The following ADAMTS20 variants were observed in gnomAD, a reference collection of about 807,000 sequenced individuals.
ADAMTS20 encodes the protein A disintegrin and metalloproteinase with thrombospondin motifs 20.
ADAMTS20 carries 225 observed loss-of-function variants against 260.1 expected under a neutral mutation model. That is an observed-to-expected ratio of 0.87 (90% CI 0.78 to 0.97). ADAMTS20 has a LOEUF of 0.97. Ranked by LOEUF, ADAMTS20 falls within the 50% of genes least tolerant of loss-of-function variation. The pLI is 0.00. For synonymous variants in ADAMTS20, 802 were observed against 769.5 expected (o/e 1.04, Z -0.70); for missense variants, 2,400 against 2,337.7 (o/e 1.03, Z -0.55).
chr12:43,411,327 A>G (rs1276898095), intron 28 of ADAMTS20, among the ~76,000 whole-genome samples: 1 of 151,952 alleles, frequency 6.6e-6, no homozygotes, highest in Non-Finnish European at 1.5e-5. Flanking sequence ...ACCTTTTGAT[A>G]AAATTGGTTT....
At position 43,429,616 on chromosome 12, in the gene ADAMTS20, C is replaced by A. The variant is rs761490871; in HGVS notation, c.3489+1G>T. On this transcript the variant is annotated splice_donor_variant, in intron 24 of 38. Transcript: ENST00000389420. LOFTEE classifies it high-confidence loss of function. The stretch of plus-strand genomic sequence containing the variant: ...TGTATCTATTAAAGAAATTCACTTA[C>A]TGGGGTCCAAGAACCATGTCGCCAT... 8 of 1,582,730 alleles carry A rather than the reference C, an allele frequency of 5.1e-6. No homozygotes were observed. The East Asian group carries it at 1.6e-4, about 31-fold the overall frequency.
intron 7 of ADAMTS20, among the ~76,000 whole-genome samples, chr12:43,481,725 T>C (rs2137413766): frequency 6.6e-6 from 1 of 152,302 alleles, no homozygotes; most frequent in African/African-American, 2.4e-5. Context: ...AGTCATTTTT[T>C]TGTTTTATTT....
chr12:43,495,823 A>G (rs541277017), intron 4 of ADAMTS20, among the ~76,000 whole-genome samples: 10 of 152,202 alleles, frequency 6.6e-5, no homozygotes, highest in Non-Finnish European at 1.2e-4. Flanking sequence ...AAAATAGTAT[A>G]TTTCATTAAA....
intron 7 of ADAMTS20, among the ~76,000 whole-genome samples, chr12:43,477,298 T>C (rs1565565592): frequency 1.3e-5 from 2 of 152,068 alleles, no homozygotes; most frequent in Non-Finnish European, 2.9e-5. Flanking sequence ...AGATACTCAG[T>C]AAAAGTTCAT....
At chr12:43,498,921 T>C (rs922218549) in intron 4 of ADAMTS20, among the ~76,000 whole-genome samples, 3 of 152,146 alleles carry the variant, frequency 2.0e-5, no homozygotes, top group Non-Finnish European at 4.4e-5. Flanking sequence ...ATAAATATAG[T>C]TGTGATCACT....
intron 16 of ADAMTS20, among the ~76,000 whole-genome samples, chr12:43,442,900 G>T (rs1003499398): frequency 6.6e-6 from 1 of 152,262 alleles, no homozygotes; most frequent in Admixed American, 6.5e-5. Flanking sequence ...CCTCTATCTA[G>T]TTCCAAAACC....
At chr12:43,487,949 T>G (rs375646007) in intron 7 of ADAMTS20, among the ~76,000 whole-genome samples, 4 of 152,172 alleles carry the variant, frequency 2.6e-5, no homozygotes, top group African/African-American at 7.2e-5. Flanking sequence ...ACATTTCAGA[T>G]TCTAAGAAAA....
chr12:43,461,691 T>C (rs1942068395), intron 11 of ADAMTS20, among the ~76,000 whole-genome samples: 1 of 152,092 alleles, frequency 6.6e-6, no homozygotes, highest in Non-Finnish European at 1.5e-5. Flanking sequence ...CAAAAAGATT[T>C]TTTTTCCTCT....
At chr12:43,526,174 GC>G (rs1434031130) in intron 3 of ADAMTS20, among the ~76,000 whole-genome samples, 1 of 152,202 alleles carries the variant, frequency 6.6e-6, no homozygotes, top group African/African-American at 2.4e-5. Flanking sequence ...AATGATATCG[GC>G]CAGGCGCGCA....
At chr12:43,529,087 A>T (rs903958291) in intron 3 of ADAMTS20, among the ~76,000 whole-genome samples, 43 of 152,226 alleles carry the variant, frequency 2.8e-4, no homozygotes, top group African/African-American at 7.2e-4. Context: ...AATGCAAATT[A>T]AAACCACATT....
chr12:43,461,113 C>T (rs1332845852), intron 11 of ADAMTS20, among the ~76,000 whole-genome samples: 1 of 148,756 alleles, frequency 6.7e-6, no homozygotes, highest in Non-Finnish European at 1.5e-5. Context: ...GAATCAGTCT[C>T]CTGAGTAGCT....
intron 31 of ADAMTS20, among the ~76,000 whole-genome samples, chr12:43,381,780 C>CAAAAAA (rs765135656): frequency 7.8e-4 from 27 of 34,476 alleles, no homozygotes; most frequent in African/African-American, 1.9e-3. Context: ...GACTGCATCT[C>CAAAAAA]AAAAAAAAAA....
chr12:43,481,418 A>G (rs1942440240), intron 7 of ADAMTS20, among the ~76,000 whole-genome samples: 1 of 152,232 alleles, frequency 6.6e-6, no homozygotes, highest in Non-Finnish European at 1.5e-5. Context: ...TTAATGGTGC[A>G]ACCTTAAAGT....
intron 7 of ADAMTS20, among the ~76,000 whole-genome samples, chr12:43,480,843 T>C (rs1942430343): frequency 6.6e-6 from 1 of 152,112 alleles, no homozygotes; most frequent in Non-Finnish European, 1.5e-5. Context: ...GGGAAGTTCT[T>C]AGTCAAAGGG....
At chr12:43,460,298 T>C (rs1412962266) in intron 11 of ADAMTS20, among the ~76,000 whole-genome samples, 1 of 152,144 alleles carries the variant, frequency 6.6e-6, no homozygotes, top group Non-Finnish European at 1.5e-5. Context: ...ACCATCTCAT[T>C]GGGAAAATAT....
At chr12:43,379,227 G>T (rs115442950) in intron 31 of ADAMTS20, among the ~76,000 whole-genome samples, 1 of 152,106 alleles carries the variant, frequency 6.6e-6, no homozygotes, top group Non-Finnish European at 1.5e-5. Context: ...CATTTGTTGC[G>T]CTCAATTAAA....
chr12:43,454,442 C>G lies in ADAMTS20; in HGVS notation c.1615-390G>C, dbSNP rs540397142. 3.9e-5 allele frequency among the ~76,000 whole-genome samples: 6 copies of G among 152,248 alleles called. No homozygotes were observed. In the South Asian group the frequency reaches 1.2e-3, roughly 32 times the overall value. On this transcript the variant is annotated intron_variant, in intron 11 of 38. Coordinates refer to ENST00000389420, the MANE Select transcript of ADAMTS20 (RefSeq NM_025003.5). ...TTCCACTCTTATAAAAAGCTTTCTA[C>G]TTTATTCTATCCGAAGTCTCAAATG...
At chr12:43,503,636 A>G (rs1451097336) in intron 3 of ADAMTS20, among the ~76,000 whole-genome samples, 2 of 151,854 alleles carry the variant, frequency 1.3e-5, no homozygotes, top group Non-Finnish European at 2.9e-5. Context: ...GTGTCATGGG[A>G]GTTTGGTGCA....
rs753113846 is a variant in ADAMTS20, at chr12:43,432,640, G to C, written c.2892C>G (p.Asn964Lys). Residue 964 changes from asparagine to lysine, a missense_variant, in exon 20 of 39, where the codon AAC (asparagine) becomes AAG (lysine). Transcript: ENST00000389420. ...KPPTQELCHG[N>K]CVFTRWHYSE... ...AATAATGCCATCTTGTGAAGACACA[G>C]TTACCATGGCATAGTTCTTGGGTAG... 8 of 1,613,828 alleles carry C rather than the reference G, an allele frequency of 5.0e-6. No individual in the cohort carries two copies. The East Asian group carries it at 1.8e-4, about 36-fold the overall frequency.
Sources: gnomAD v4.1 joint callset for allele counts (sites outside exome capture counted in the v4.1 genomes callset) on GRCh38, gnomAD v4.1.1 for gene constraint, MANE v1.5 for transcripts, NCBI Gene and HGNC (gene_info 2026-07-23, HGNC 2026-07-21) for gene names.